The following JAKMIP2 variants were observed in gnomAD, a reference collection of about 807,000 sequenced individuals.
JAKMIP2 encodes janus kinase and microtubule-interacting protein 2.
In JAKMIP2, 25 loss-of-function variants were observed where a neutral mutation model predicts 115.0. The ratio of observed to expected loss-of-function variants is 0.22; its 90% CI spans 0.16 to 0.30. JAKMIP2 has a LOEUF of 0.30. JAKMIP2 is among the 10% of genes least tolerant of loss of function. The pLI is 1.00. For synonymous variants in JAKMIP2, 334 were observed against 343.6 expected (o/e 0.97, Z 0.31); for missense variants, 642 against 957.6 (o/e 0.67, Z 4.35).
chr5:147,683,889 G>T (rs969954306), intron 1 of JAKMIP2, among the ~76,000 whole-genome samples: 2 of 152,152 alleles, frequency 1.3e-5, no homozygotes, highest in Non-Finnish European at 2.9e-5. Flanking sequence ...ATATTACATA[G>T]TTCTATTATA....
chr5:147,633,993 A>G (rs1370528330), intron 12 of JAKMIP2, among the ~76,000 whole-genome samples: 4 of 152,152 alleles, frequency 2.6e-5, no homozygotes, highest in African/African-American at 9.7e-5. Flanking sequence ...CCCGGCTGTC[A>G]TCTTTGGCTT....
At chr5:147,607,434 T>C (rs1333319013) in intron 20 of JAKMIP2, among the ~76,000 whole-genome samples, 2 of 152,228 alleles carry the variant, frequency 1.3e-5, no homozygotes, top group African/African-American at 2.4e-5. Context: ...GAGATAATCA[T>C]GTGGTTTTTG....
chr5:147,599,179 A>G (rs951920708), intron 21 of JAKMIP2, among the ~76,000 whole-genome samples: 3 of 152,214 alleles, frequency 2.0e-5, no homozygotes, highest in Non-Finnish European at 4.4e-5. Context: ...TTTAAATCTA[A>G]TAATAGCTAA....
chr5:147,590,901 G>A lies in JAKMIP2; in HGVS notation c.*806C>T, dbSNP rs1043048505. ...TGTGAGAGTAGGACAAGGAAGCATC[G>A]AATCTGCTTTTATTTCACATGTCAC... is the stretch of plus-strand genomic sequence containing the variant. On this transcript the variant is annotated 3_prime_UTR_variant, in exon 22 of 22. Transcript: ENST00000616793. 2.0e-5 allele frequency: 3 copies of A among 152,190 alleles called. No homozygotes were observed. The highest frequency in any genetic ancestry group is 4.4e-5 in the Non-Finnish European group (3 of 68,044). 9.4% of individuals were successfully genotyped at this position (152,190 alleles called of 1,614,324 possible).
intron 20 of JAKMIP2, among the ~76,000 whole-genome samples, chr5:147,608,549 T>C (rs1261188567): frequency 1.3e-5 from 2 of 152,230 alleles, no homozygotes; most frequent in East Asian, 1.9e-4. Flanking sequence ...CTGTTTGTTA[T>C]GATTTCTGTT....
intron 18 of JAKMIP2, among the ~76,000 whole-genome samples, chr5:147,618,599 G>C (rs758457056): frequency 1.3e-5 from 2 of 152,066 alleles, no homozygotes; most frequent in South Asian, 2.1e-4. Context: ...TTAGGTGGGC[G>C]TGGTGGTGCG....
chr5:147,702,861 G>A (rs531382966), intron 1 of JAKMIP2, among the ~76,000 whole-genome samples: 6 of 151,906 alleles, frequency 3.9e-5, no homozygotes, highest in Non-Finnish European at 8.8e-5. Flanking sequence ...TTGTGTTTTG[G>A]CAAACTGCAA....
At chr5:147,703,532 C>T (rs1285255372) in intron 1 of JAKMIP2, among the ~76,000 whole-genome samples, 1 of 151,360 alleles carries the variant, frequency 6.6e-6, no homozygotes, top group African/African-American at 2.4e-5. Context: ...ACTTAGGCTA[C>T]ACTAAATTTA....
chr5:147,750,899 C>A (rs1246588381), intron 1 of JAKMIP2, among the ~76,000 whole-genome samples: 2 of 149,116 alleles, frequency 1.3e-5, no homozygotes, highest in East Asian at 1.9e-4. Context: ...ACCTCGACAT[C>A]GGACTTCCAA....
intron 1 of JAKMIP2, among the ~76,000 whole-genome samples, chr5:147,721,089 TCTGTTGGAGTACC>T (rs1753258440): frequency 1.3e-5 from 2 of 151,914 alleles, no homozygotes; most frequent in African/African-American, 2.4e-5. Flanking sequence ...CAGCTGCAGG[TCTGTTGGAGTACC>T]CTGCCATGTG....
intron 8 of JAKMIP2, 142 bp downstream of exon 8, chr5:147,641,566 T>A: frequency 1.7e-6 from 1 of 578,328 alleles, no homozygotes; most frequent in South Asian, 2.6e-5. Context: ...GAAAATATTT[T>A]CTTCTAGCAA....
intron 1 of JAKMIP2, among the ~76,000 whole-genome samples, chr5:147,721,770 A>T (rs1753313505): frequency 6.6e-6 from 1 of 151,942 alleles, no homozygotes; most frequent in Non-Finnish European, 1.5e-5. Flanking sequence ...AGTGAGATGA[A>T]CCCGGTACCT....
chr5:147,627,704 AC>A lies in JAKMIP2; in HGVS notation c.1995+1046del, dbSNP rs1426548466. Among the ~76,000 whole-genome samples, 40 of 147,044 alleles carry A rather than the reference AC, an allele frequency of 2.7e-4. 2 individuals are homozygous for A. In the East Asian group the frequency reaches 6.2e-3, roughly 23 times the overall value. The stretch of plus-strand genomic sequence containing the variant: ...AAAAAAAAAAAAAAAAAAAAAAAAA[AC>A]CCACAAGGTTATTGGTACACTTTAC... On this transcript the variant is annotated intron_variant, in intron 16 of 21. Transcript: ENST00000616793.
At chr5:147,619,875 G>C (rs79163683) in intron 18 of JAKMIP2, among the ~76,000 whole-genome samples, 28 of 151,930 alleles carry the variant, frequency 1.8e-4, no homozygotes, top group Non-Finnish European at 3.7e-4. Context: ...TACTATCCTC[G>C]TATGTAAGAT....
At chr5:147,765,468 G>C (rs1755121844) in intron 1 of JAKMIP2, among the ~76,000 whole-genome samples, 1 of 151,974 alleles carries the variant, frequency 6.6e-6, no homozygotes, top group Non-Finnish European at 1.5e-5. Context: ...AAATCCTAGG[G>C]TTTTCATTTC....
At chr5:147,646,674 CAT>C (rs980238923) in intron 5 of JAKMIP2, among the ~76,000 whole-genome samples, 7 of 150,166 alleles carry the variant, frequency 4.7e-5, no homozygotes, top group South Asian at 2.1e-4. Context: ...GTTATAAATA[CAT>C]ATATATATAC....
intron 16 of JAKMIP2, among the ~76,000 whole-genome samples, chr5:147,625,463 T>C (rs1272378838): frequency 1.3e-5 from 2 of 152,196 alleles, no homozygotes; most frequent in African/African-American, 4.8e-5. Context: ...CACATACACA[T>C]GGTTTCCCCT....
intron 21 of JAKMIP2, 58 bp downstream of exon 21, chr5:147,601,683 C>T: frequency 8.3e-7 from 1 of 1,204,930 alleles, no homozygotes; most frequent in Non-Finnish European, 1.1e-6. Context: ...CTATAGGTAA[C>T]ATCCTTTTTA....
At chr5:147,630,329 G>A (rs918976886) in intron 14 of JAKMIP2, among the ~76,000 whole-genome samples, 57 of 152,028 alleles carry the variant, frequency 3.7e-4, no homozygotes, top group African/African-American at 1.1e-3. Flanking sequence ...AACTCCATTC[G>A]AAAGAGTTCA....
Sources: gnomAD v4.1 joint callset for allele counts (sites outside exome capture counted in the v4.1 genomes callset) on GRCh38, gnomAD v4.1.1 for gene constraint, MANE v1.5 for transcripts, NCBI Gene and HGNC (gene_info 2026-07-23, HGNC 2026-07-21) for gene names.